Variants in ADAMTS17 observed in about 807,000 individuals in gnomAD.
ADAMTS17 encodes A disintegrin and metalloproteinase with thrombospondin motifs 17.
ADAMTS17 carries 113 observed loss-of-function variants against 141.5 expected under a neutral mutation model. The ratio of observed to expected loss-of-function variants is 0.80; its 90% CI spans 0.69 to 0.93. The LOEUF (loss-of-function observed/expected upper bound fraction) is 0.93. ADAMTS17 is among the 40% of genes least tolerant of loss of function. The pLI, the probability that ADAMTS17 is intolerant of heterozygous loss-of-function variation, is 0.00. For synonymous variants in ADAMTS17, 768 were observed against 630.6 expected (o/e 1.22, Z -3.27); for missense variants, 1,659 against 1,517.9 (o/e 1.09, Z -1.54).
intron 18 of ADAMTS17, among the ~76,000 whole-genome samples, chr15:100,031,002 C>T (rs779733145): frequency 2.0e-5 from 3 of 152,286 alleles, no homozygotes; most frequent in East Asian, 3.9e-4. Context: ...TTTTGGCTGG[C>T]GTTCACGGAG....
intron 7 of ADAMTS17, among the ~76,000 whole-genome samples, chr15:100,215,793 T>C (rs1487395399): frequency 6.6e-6 from 1 of 151,850 alleles, no homozygotes; most frequent in African/African-American, 2.4e-5. Context: ...GACACAAGTA[T>C]CAAAACATCC....
intron 8 of ADAMTS17, among the ~76,000 whole-genome samples, chr15:100,184,717 T>C (rs11855422): frequency 0.031 from 4,727 of 152,236 alleles, 270 homozygotes; most frequent in African/African-American, 0.11. Context: ...TCCGCTCCTG[T>C]GTCTGGTCTG....
intron 8 of ADAMTS17, among the ~76,000 whole-genome samples, chr15:100,172,005 T>C (rs1394780078): frequency 6.6e-6 from 1 of 152,134 alleles, no homozygotes; most frequent in East Asian, 1.9e-4. Context: ...GCAGACCCAC[T>C]TCCCCCAGCA....
chr15:100,334,314 C>G (rs79216020), intron 2 of ADAMTS17, among the ~76,000 whole-genome samples: 3,566 of 152,284 alleles, frequency 0.023, 70 homozygotes, highest in Non-Finnish European at 0.034. Context: ...CAGCATGCCT[C>G]TGTGGGAGGG....
At chr15:100,150,040 G>A (rs552831152) in intron 10 of ADAMTS17, among the ~76,000 whole-genome samples, 27 of 152,198 alleles carry the variant, frequency 1.8e-4, no homozygotes, top group Admixed American at 1.6e-3. Flanking sequence ...TATTGGAGAG[G>A]AAAAAACACA....
At chr15:100,072,708 A>G (rs1481884896) in intron 15 of ADAMTS17, among the ~76,000 whole-genome samples, 1 of 152,196 alleles carries the variant, frequency 6.6e-6, no homozygotes, top group Non-Finnish European at 1.5e-5. Context: ...AGCCATATGT[A>G]GAAAGCTGAA....
At chr15:100,109,517 T>C (rs34752568) in intron 13 of ADAMTS17, among the ~76,000 whole-genome samples, 70,075 of 150,964 alleles carry the variant, frequency 0.46, 16,408 homozygotes, top group Admixed American at 0.51. Context: ...CGAGAATGCC[T>C]CTGAGTGAGG....
chr15:100,011,145 A>G (rs537350971), intron 18 of ADAMTS17, among the ~76,000 whole-genome samples: 2 of 150,794 alleles, frequency 1.3e-5, no homozygotes, highest in Non-Finnish European at 2.9e-5. Context: ...GCTTCAGTTA[A>G]TTAGTTCAAC....
At chr15:100,306,640 T>C in intron 3 of ADAMTS17, 1 of 450,560 alleles carries the variant, frequency 2.2e-6, no homozygotes, top group Non-Finnish European at 4.5e-6. Flanking sequence ...TATGAACTTA[T>C]TAAAATGGCA....
In ADAMTS17 at chr15:100,003,562, C is replaced by T. The variant is rs980314270; in HGVS notation, c.2592-5973G>A. Among the ~76,000 whole-genome samples the T allele has an allele frequency of 9.9e-5, 15 of 152,142 alleles. No homozygotes were observed. The East Asian group carries it at 1.7e-3, about 18-fold the overall frequency. On this transcript the variant is annotated intron_variant, in intron 18 of 21. Coordinates refer to ENST00000268070, the MANE Select transcript of ADAMTS17 (RefSeq NM_139057.4). ...ATGGCTATGTGGATAGATTAAAAAA[C>T]GGTATGGTAAGATGTTTGCACACCT...
At chr15:100,118,895 C>G (rs2037304137) in intron 12 of ADAMTS17, among the ~76,000 whole-genome samples, 1 of 152,118 alleles carries the variant, frequency 6.6e-6, no homozygotes, top group Non-Finnish European at 1.5e-5. Flanking sequence ...ATGCAGAAGT[C>G]CTAACCTCTA....
intron 12 of ADAMTS17, among the ~76,000 whole-genome samples, chr15:100,131,623 C>G (rs1194086193): frequency 6.6e-6 from 1 of 152,216 alleles, no homozygotes; most frequent in Non-Finnish European, 1.5e-5. Flanking sequence ...CACCCAGACA[C>G]TCTGTGACTC....
chr15:100,143,282 T>C (rs1276047505), intron 10 of ADAMTS17, among the ~76,000 whole-genome samples: 1 of 152,170 alleles, frequency 6.6e-6, no homozygotes, highest in East Asian at 1.9e-4. Context: ...AGCGCCTGCA[T>C]TGGGCTTTCT....
At position 99,997,586 on chromosome 15, in the gene ADAMTS17, C is replaced by A; in HGVS notation, c.2595G>T (p.Trp865Cys). Residue 865 changes from tryptophan to cysteine, a missense_variant, in exon 19 of 22, where the codon TGG becomes TGT. Transcript: ENST00000268070. This position sits in a 1 kb window ranked among gnomAD's most constrained non-coding sequence, Gnocchi z 4.7. Reference sequence around the variant, plus strand: ...AGCAGGGGCTCCACGGGCCTGCCACCCACCTGCCAGACGGGAGGAAAGAGA... The same window carrying A: ...AGCAGGGGCTCCACGGGCCTGCCACACACCTGCCAGACGGGAGGAAAGAGA... ...RCNLHPCQSR[W>C]VAGPWSPCSA... 6.2e-7 allele frequency: 1 copy of A among 1,612,984 alleles called. No individual in the cohort carries two copies. The highest frequency in any genetic ancestry group is 8.5e-7 in the Non-Finnish European group (1 of 1,179,918).
intron 8 of ADAMTS17, among the ~76,000 whole-genome samples, chr15:100,195,362 T>C (rs1184652693): frequency 6.6e-6 from 1 of 152,152 alleles, no homozygotes; most frequent in Non-Finnish European, 1.5e-5. Context: ...AATCCACAGC[T>C]TCAGCTCAGT....
intron 21 of ADAMTS17, among the ~76,000 whole-genome samples, chr15:99,974,838 G>A (rs1463373216): frequency 2.6e-5 from 4 of 152,228 alleles, no homozygotes; most frequent in African/African-American, 9.6e-5. Flanking sequence ...CCTTGCTTCC[G>A]AGCTAAGTGG....
intron 18 of ADAMTS17, among the ~76,000 whole-genome samples, chr15:100,022,954 T>C (rs370897887): frequency 2.0e-5 from 3 of 151,048 alleles, no homozygotes; most frequent in African/African-American, 7.4e-5. Context: ...TGTCACATGA[T>C]CTGTTTTCAC....
At chr15:100,148,143 C>T (rs2038996077) in intron 10 of ADAMTS17, among the ~76,000 whole-genome samples, 1 of 152,220 alleles carries the variant, frequency 6.6e-6, no homozygotes. Flanking sequence ...AGATACTTAG[C>T]CACACTGGCA....
At chr15:100,008,503 G>A (rs1363098121) in intron 18 of ADAMTS17, among the ~76,000 whole-genome samples, 4 of 152,232 alleles carry the variant, frequency 2.6e-5, no homozygotes, top group African/African-American at 7.2e-5. Flanking sequence ...CAAGGGGAAG[G>A]AGGCCAGGGC....
Sources: allele counts gnomAD v4.1 joint callset (sites outside exome capture counted in the v4.1 genomes callset), GRCh38; gene constraint gnomAD v4.1.1; non-coding constraint Gnocchi (gnomAD v3.1); transcripts MANE v1.5; gene names NCBI Gene and HGNC (gene_info 2026-07-23, HGNC 2026-07-21).